The following CDK14 variants were observed in gnomAD, a reference collection of about 807,000 sequenced individuals.
The protein encoded by CDK14 is cyclin-dependent kinase 14.
A neutral mutation model predicts 60.7 loss-of-function variants in CDK14; 34 were observed. The observed-to-expected ratio is 0.56, with a 90% CI of 0.43 to 0.75. The LOEUF (loss-of-function observed/expected upper bound fraction) is 0.75, where lower values mean the gene tolerates loss of function less well. Ranked by LOEUF, CDK14 falls within the 30% of genes least tolerant of loss-of-function variation. CDK14 has a pLI of 0.00. For synonymous variants in CDK14, 197 were observed against 203.7 expected (o/e 0.97, Z 0.28); for missense variants, 482 against 564.1 (o/e 0.85, Z 1.47).
At chr7:90,788,116 G>A (rs578199696) in intron 4 of CDK14, among the ~76,000 whole-genome samples, 15 of 152,226 alleles carry the variant, frequency 9.9e-5, no homozygotes, top group African/African-American at 1.9e-4. Context: ...AAAAGTTAAC[G>A]CTCTCAAGAG....
In CDK14 at chr7:90,624,770, C is replaced by G. The variant is rs11974487; in HGVS notation, c.123+20521C>G. Among the ~76,000 whole-genome samples the G allele has an allele frequency of 9.1e-3, 1,381 of 152,302 alleles. 13 individuals are homozygous for G. Among genetic ancestry groups the G allele is most frequent in the African/African-American group, 0.031 (1,274 of 41,564 alleles). ...ATGAACAGACAGTTGCTTAATCTCCCTGAGCTTCAGCGTCCTCATCTGCGA... is the reference window on the plus strand; with the variant it reads ...ATGAACAGACAGTTGCTTAATCTCCGTGAGCTTCAGCGTCCTCATCTGCGA... On this transcript the variant is annotated intron_variant, in intron 2 of 14. Transcript: ENST00000380050.
intron 2 of CDK14, among the ~76,000 whole-genome samples, chr7:90,641,249 G>T (rs182907821): frequency 1.3e-4 from 20 of 152,126 alleles, no homozygotes; most frequent in Admixed American, 1.2e-3. Flanking sequence ...ATAGAATTAT[G>T]ACATGATCCA....
rs1043878100 is a variant in CDK14 at position 90,623,576 on chromosome 7, A to G, written c.123+19327A>G. Reference sequence around the variant, plus strand: ...TTGTTTTTTTAAGTTTTCTTTTTCAATTTATTAAAAAGTAGAATATGTAAG... The same window carrying G: ...TTGTTTTTTTAAGTTTTCTTTTTCAGTTTATTAAAAAGTAGAATATGTAAG... On this transcript the variant is annotated intron_variant, in intron 2 of 14. Transcript: ENST00000380050. Among the ~76,000 whole-genome samples, 13 of 152,268 alleles carry G rather than the reference A, an allele frequency of 8.5e-5. No individual in the cohort carries two copies. The East Asian group carries it at 1.7e-3, about 20-fold the overall frequency.
intron 7 of CDK14, among the ~76,000 whole-genome samples, chr7:90,913,646 C>T (rs1031956331): frequency 2.0e-5 from 3 of 152,086 alleles, no homozygotes; most frequent in Non-Finnish European, 4.4e-5. Flanking sequence ...GAAGAATATA[C>T]GAGAATATAC....
chr7:91,024,643 T>C (rs1235646630), intron 10 of CDK14, among the ~76,000 whole-genome samples: 3 of 152,184 alleles, frequency 2.0e-5, no homozygotes, highest in Non-Finnish European at 4.4e-5. Context: ...AGAGTGAGAC[T>C]CTGTCTCAAA....
intron 4 of CDK14, among the ~76,000 whole-genome samples, chr7:90,757,376 T>A (rs548729904): frequency 0.019 from 2,788 of 147,920 alleles, 42 homozygotes; most frequent in Non-Finnish European, 0.027. Context: ...CAAAAAAAAA[T>A]GCATTCTGAG....
intron 11 of CDK14, among the ~76,000 whole-genome samples, chr7:91,056,440 G>T (rs965646320): frequency 2.0e-5 from 3 of 151,850 alleles, no homozygotes; most frequent in Admixed American, 2.0e-4. Flanking sequence ...TAACTTTTAG[G>T]GTACATGTGC....
intron 10 of CDK14, among the ~76,000 whole-genome samples, chr7:91,008,092 G>A (rs1410514379): frequency 7.2e-6 from 1 of 138,914 alleles, no homozygotes; most frequent in African/African-American, 2.8e-5. Context: ...GCCTTACAGG[G>A]TGCCTAGAAA....
chr7:91,092,901 A>G (rs543478883), intron 12 of CDK14, among the ~76,000 whole-genome samples: 2 of 152,336 alleles, frequency 1.3e-5, no homozygotes, highest in African/African-American at 4.8e-5. Flanking sequence ...ATCCGTTGAA[A>G]GAAATACATG....
At position 91,073,212 on chromosome 7, in the gene CDK14, C is replaced by A. The variant is rs572719086; in HGVS notation, c.1106-6220C>A. Among the ~76,000 whole-genome samples, 9 of 152,228 alleles carry A rather than the reference C, an allele frequency of 5.9e-5. No homozygotes were observed. The South Asian group carries it at 1.9e-3, about 32-fold the overall frequency. On this transcript the variant is annotated intron_variant, in intron 11 of 14. Coordinates refer to ENST00000380050, the MANE Select transcript of CDK14 (RefSeq NM_001287135.2). The stretch of plus-strand genomic sequence containing the variant: ...CCCCAAGACACATGATCAACAGATT[C>A]TTCAAGGTCAAAATGAAGGAAAAAA...
intron 4 of CDK14, among the ~76,000 whole-genome samples, chr7:90,761,995 G>A (rs993068636): frequency 5.3e-5 from 8 of 152,186 alleles, no homozygotes; most frequent in Non-Finnish European, 1.2e-4. Flanking sequence ...ATCTGTAATT[G>A]TAAATTATGT....
At chr7:91,177,354 T>C (rs1801806643) in intron 14 of CDK14, among the ~76,000 whole-genome samples, 1 of 147,626 alleles carries the variant, frequency 6.8e-6, no homozygotes, top group East Asian at 2.0e-4. Context: ...GCCAATATCA[T>C]ACTGAATGGG....
chr7:90,768,384 TG>T (rs1446574347), intron 4 of CDK14, among the ~76,000 whole-genome samples: 1 of 152,208 alleles, frequency 6.6e-6, no homozygotes, highest in Admixed American at 6.5e-5. Flanking sequence ...TGTGTGAGTG[TG>T]GGTGTGTGTA....
intron 4 of CDK14, among the ~76,000 whole-genome samples, chr7:90,757,512 G>A (rs551116993): frequency 3.3e-5 from 5 of 151,984 alleles, no homozygotes; most frequent in East Asian, 1.9e-4. Flanking sequence ...CCTGTAATAC[G>A]TGTCATTCAT....
chr7:90,841,011 A>G (rs1419939727), intron 5 of CDK14, among the ~76,000 whole-genome samples: 1 of 152,176 alleles, frequency 6.6e-6, no homozygotes, highest in Non-Finnish European at 1.5e-5. Context: ...TGAATAGAAA[A>G]AGAAATGGGA....
chr7:90,733,123 G>T (rs1193684268), intron 3 of CDK14, among the ~76,000 whole-genome samples: 2 of 152,132 alleles, frequency 1.3e-5, no homozygotes, highest in East Asian at 1.9e-4. Context: ...GGAGCAGGTT[G>T]TTCCGTTTCC....
At chr7:90,778,300 G>A (rs756238362) in intron 4 of CDK14, among the ~76,000 whole-genome samples, 2 of 152,200 alleles carry the variant, frequency 1.3e-5, no homozygotes, top group Non-Finnish European at 2.9e-5. Flanking sequence ...AAGTAATGGA[G>A]TCATCCTTTA....
At chr7:91,057,454 G>C (rs1797614308) in intron 11 of CDK14, among the ~76,000 whole-genome samples, 1 of 151,844 alleles carries the variant, frequency 6.6e-6, no homozygotes, top group African/African-American at 2.4e-5. Flanking sequence ...CATTGCTTTT[G>C]GTGTTTTAGA....
chr7:90,709,295 G>A, intron 2 of CDK14: 1 of 677,114 alleles, frequency 1.5e-6, no homozygotes. Flanking sequence ...CTGAAACTTG[G>A]CCTTCTATAG....
Sources: allele counts gnomAD v4.1 joint callset (sites outside exome capture counted in the v4.1 genomes callset), GRCh38; gene constraint gnomAD v4.1.1; transcripts MANE v1.5; gene names NCBI Gene and HGNC (gene_info 2026-07-23, HGNC 2026-07-21).